Variants in PUM2 observed in about 807,000 individuals in gnomAD.
PUM2 encodes pumilio RNA binding family member 2.
In PUM2, 57 loss-of-function variants were observed where a neutral mutation model predicts 124.5. That is an observed-to-expected ratio of 0.46 (90% confidence interval 0.37 to 0.57). The LOEUF (loss-of-function observed/expected upper bound fraction) is 0.57, where lower values mean the gene tolerates loss of function less well. Among genes scored for constraint, PUM2 ranks in the 20% least tolerant of loss-of-function variants. The probability of loss-of-function intolerance (pLI) is 0.00; values close to 1 mark genes in which losing one functional copy is unlikely to be tolerated. For missense variants in PUM2, 1,065 were observed against 1,290.6 expected (o/e 0.83, Z 2.68); for synonymous variants, 460 against 446.1 (o/e 1.03, Z -0.39).
At chr2:20,350,267 G>GAGA (rs139418435) in intron 1 of PUM2, 3,112 of 175,542 alleles carry the variant, frequency 0.018, 64 homozygotes, top group East Asian at 0.1. Flanking sequence ...CCCTAGGGCC[G>GAGA]ACAGCTCGGT....
Position 20,258,334 on chromosome 2 carries a change from C to T in PUM2, c.2393G>A (p.Arg798His). The T allele has an allele frequency of 3.7e-6, 6 of 1,612,240 alleles. No homozygotes were observed. The highest frequency in any genetic ancestry group is 2.7e-5 in the African/African-American group (2 of 75,000). The change falls in exon 16 of 21, where the codon CGT becomes CAT. Residue 798 changes from arginine to histidine, a missense_variant. By Grantham distance (29) the Arg-to-His change is conservative. Transcript: ENST00000361078. Reference protein sequence around the residue: ...SLDQKLALATRIRGHVLPLAL... With the variant: ...SLDQKLALATHIRGHVLPLAL... ...TAAGGGTAGAACATGACCACGAATACGAGTAGCCAGGGCTAATTTTTGATC... is the reference window on the plus strand; with the variant it reads ...TAAGGGTAGAACATGACCACGAATATGAGTAGCCAGGGCTAATTTTTGATC...
chr2:20,278,510 A>G (rs1458007500), intron 13 of PUM2, 73 bp downstream of exon 13: 3 of 1,219,116 alleles, frequency 2.5e-6, no homozygotes, highest in East Asian at 2.4e-5. Context: ...TATTTTACAT[A>G]TATTATAAAC....
In PUM2 at chr2:20,289,310, T is replaced by C. The variant is rs544138204; in HGVS notation, c.1291+1342A>G. 5.3e-5 allele frequency among the ~76,000 whole-genome samples: 8 copies of C among 152,174 alleles called. 1 individual carries two copies. In the South Asian group the frequency reaches 1.0e-3, roughly 20 times the overall value. On this transcript the variant is annotated intron_variant, in intron 10 of 20. Transcript: ENST00000361078. Reference sequence around the variant, plus strand: ...GAAACTAGTTAAGCAGGAAAAATTGTTGTACTCCATAACTCCTCTCTCCGT... The same window carrying C: ...GAAACTAGTTAAGCAGGAAAAATTGCTGTACTCCATAACTCCTCTCTCCGT...
chr2:20,287,612 G>A (rs1384184443), intron 10 of PUM2, among the ~76,000 whole-genome samples: 2 of 152,182 alleles, frequency 1.3e-5, no homozygotes, highest in Non-Finnish European at 2.9e-5. Context: ...GAAGGAAGTT[G>A]AGAGATTTGG....
At chr2:20,300,235 C>T (rs1173706895) in intron 7 of PUM2, among the ~76,000 whole-genome samples, 3 of 152,092 alleles carry the variant, frequency 2.0e-5, no homozygotes, top group East Asian at 1.9e-4. Context: ...CCACAACCTC[C>T]GCCTCCCGGG....
chr2:20,255,335 C>G lies in PUM2; in HGVS notation c.2629G>C (p.Val877Leu). 6.2e-7 allele frequency: 1 copy of G among 1,611,008 alleles called. No individual in the cohort carries two copies. The highest frequency in any genetic ancestry group is 8.5e-7 in the Non-Finnish European group (1 of 1,178,614). ...CAGCCATAAGGATGAGTTGAAAGCA[C>G]AAATACCTGAGGACAATTAGAAGAA... The part of the protein sequence containing the change: ...IIDAFKGQVF[V>L]LSTHPYGCRV... Residue 877 changes from valine (V) to leucine (L), a missense_variant, in exon 18 of 21, where the codon GTG becomes CTG. Val to Leu is a conservative substitution (Grantham distance 32, BLOSUM62 1). Transcript: ENST00000361078.
intron 2 of PUM2, among the ~76,000 whole-genome samples, chr2:20,323,045 C>T (rs751350996): frequency 6.6e-6 from 1 of 152,160 alleles, no homozygotes; most frequent in Admixed American, 6.5e-5. Flanking sequence ...ACTGTAAACA[C>T]TCAAGACTTC....
intron 2 of PUM2, among the ~76,000 whole-genome samples, chr2:20,321,359 T>TA (rs1409446316): frequency 6.6e-6 from 1 of 152,160 alleles, no homozygotes; most frequent in African/African-American, 2.4e-5. Context: ...GGGGAGTCTG[T>TA]AAACCACTTA....
At chr2:20,282,515 G>A (rs567997799) in intron 12 of PUM2, among the ~76,000 whole-genome samples, 1 of 152,166 alleles carries the variant, frequency 6.6e-6, no homozygotes, top group South Asian at 2.1e-4. Context: ...TAAACTACCA[G>A]CATTTAATAA....
At chr2:20,276,514 G>A (rs1030028435) in intron 13 of PUM2, among the ~76,000 whole-genome samples, 1 of 151,894 alleles carries the variant, frequency 6.6e-6, no homozygotes, top group Non-Finnish European at 1.5e-5. Flanking sequence ...CTTGATATGT[G>A]AGCTCAGTAA....
intron 5 of PUM2, 94 bp downstream of exon 5, chr2:20,311,400 C>T (rs1233341113): frequency 6.0e-6 from 8 of 1,331,628 alleles, no homozygotes; most frequent in Non-Finnish European, 8.0e-6. Flanking sequence ...GGAAATAAAC[C>T]TAAATGATGA....
rs1404119038 is a variant in PUM2, at chr2:20,308,182, T to C, written c.790-111A>G. The C allele has an allele frequency of 6.1e-6, 9 of 1,471,296 alleles. No individual in the cohort carries two copies. The East Asian group carries it at 1.4e-4, about 23-fold the overall frequency. The allele number at this position is 1,471,296 out of a possible 1,614,324, so 91.1% of individuals were successfully genotyped here. ...TTTTCTTTGGGAGGACTTTCTCAAA[T>C]ACAGGACACTTTAATCAATAAAACA... On this transcript the variant is annotated intron_variant, in intron 6 of 20. Transcript: ENST00000361078.
At chr2:20,281,179 G>C (rs1461815274) in intron 12 of PUM2, among the ~76,000 whole-genome samples, 3 of 152,118 alleles carry the variant, frequency 2.0e-5, no homozygotes, top group Non-Finnish European at 4.4e-5. Flanking sequence ...CTGGCATTCA[G>C]GGGTGGCAAT....
chr2:20,258,567 C>G (rs909462382), intron 15 of PUM2, among the ~76,000 whole-genome samples, 196 bp from the exon 16 acceptor site: 1 of 147,378 alleles, frequency 6.8e-6, no homozygotes, highest in Non-Finnish European at 1.5e-5. Flanking sequence ...TTAAGTCTTA[C>G]TAAAATTTCC....
chr2:20,254,000 T>A lies in PUM2; in HGVS notation c.2885A>T (p.Lys962Met). Residue 962 changes from lysine to methionine, a missense_variant, in exon 20 of 21, where the codon AAG becomes ATG. Physicochemically the swap from Lys to Met is moderately conservative, Grantham distance 95. Around this residue, in one of 3 missense-constraint regions of PUM2, gnomAD observed 968 missense variants for 1,159.8 expected, o/e 0.83. Coordinates refer to ENST00000361078, the MANE Select transcript of PUM2 (RefSeq NM_015317.5). ...QHKFASNVVE[K>M]CVTHASRAER... ...AGCACGGGAGGCATGAGTAACACAC[T>A]TTTCTACTACATTGCTAAAAATTAA... The A allele has an allele frequency of 1.9e-6, 3 of 1,606,810 alleles. No individual in the cohort carries two copies. The highest frequency in any genetic ancestry group is 2.5e-6 in the Non-Finnish European group (3 of 1,178,100).
Position 20,263,553 on chromosome 2 carries a change from A to G in PUM2, c.1958-93T>C, listed in dbSNP as rs545486203. 3.1e-5 allele frequency: 43 copies of G among 1,392,720 alleles called. No individual in the cohort carries two copies. In the African/African-American group the frequency reaches 6.1e-4, roughly 20 times the overall value. 86.3% of individuals were successfully genotyped at this position (1,392,720 alleles called of 1,614,324 possible). On this transcript the variant is annotated intron_variant, in intron 13 of 20. Transcript: ENST00000361078. ...AGCTACAAATTCAGTCAATAAAGAA[A>G]TATTTCCCCCCACTAATTCCTACTT...
chr2:20,265,310 T>C (rs1231252606), intron 13 of PUM2, among the ~76,000 whole-genome samples: 1 of 151,518 alleles, frequency 6.6e-6, no homozygotes, highest in Non-Finnish European at 1.5e-5. Context: ...ATCACTAAGA[T>C]CAAATTCTTG....
chr2:20,322,769 C>A (rs1682679795), intron 2 of PUM2, among the ~76,000 whole-genome samples: 1 of 152,164 alleles, frequency 6.6e-6, no homozygotes, highest in Non-Finnish European at 1.5e-5. Context: ...TGCCACTGCA[C>A]TCCAGCTTGG....
Position 20,294,407 on chromosome 2 carries a change from G to A in PUM2, c.1121C>T (p.Ala374Val). 1 of 1,614,122 alleles carries A rather than the reference G, an allele frequency of 6.2e-7. No individual in the cohort carries two copies. The highest frequency in any genetic ancestry group is 8.5e-7 in the Non-Finnish European group (1 of 1,180,036). ...AAANNTASQQ[A>V]ASQAQPGQQQ... is the part of the protein sequence containing the mutation. ...CTGTCCAGGCTGAGCTTGTGATGCTGCTTGCTGACTGGCTGTGTTATTTGC... is the reference window on the plus strand; with the variant it reads ...CTGTCCAGGCTGAGCTTGTGATGCTACTTGCTGACTGGCTGTGTTATTTGC... Residue 374 changes from alanine to valine, a missense_variant, in exon 9 of 21, where the codon GCA (alanine) becomes GTA (valine). Ala to Val is a moderately conservative substitution (Grantham distance 64). Coordinates refer to ENST00000361078, the MANE Select transcript of PUM2 (RefSeq NM_015317.5).
Sources: allele counts gnomAD v4.1 joint callset (sites outside exome capture counted in the v4.1 genomes callset), GRCh38; gene constraint gnomAD v4.1.1; regional missense constraint gnomAD v4.1.1; transcripts MANE v1.5; gene names NCBI Gene and HGNC (gene_info 2026-07-23, HGNC 2026-07-21).